Variants in THSD7B observed in about 807,000 individuals in gnomAD.
THSD7B encodes thrombospondin type 1 domain containing 7B, also known as thrombospondin type-1 domain-containing protein 7B.
In THSD7B, 138 loss-of-function variants were observed where a neutral mutation model predicts 213.6. The ratio of observed to expected loss-of-function variants is 0.65; its 90% confidence interval spans 0.56 to 0.74. The LOEUF (loss-of-function observed/expected upper bound fraction) is 0.74. THSD7B is among the 30% of genes least tolerant of loss of function. The pLI is 0.00. For synonymous variants in THSD7B, 742 were observed against 687.0 expected, an observed-to-expected ratio of 1.08 and a Z score of -1.25; for missense variants, 1,931 against 1,991.5, an observed-to-expected ratio of 0.97 and a Z score of 0.58.
At position 137,259,403 on chromosome 2, in the gene THSD7B, T is replaced by C. The variant is rs984322690; in HGVS notation, c.2267-13130T>C. ...CTGACTGGCATGAGGTGACATCTCA[T>C]TGTGGTTTTGATTTGCATTTCTCTA... is the stretch of plus-strand genomic sequence containing the variant. On this transcript the variant is annotated intron_variant, in intron 10 of 27. Coordinates refer to ENST00000409968, the MANE Select transcript of THSD7B (RefSeq NM_001316349.2). Among the ~76,000 whole-genome samples the C allele has an allele frequency of 1.3e-5, 2 of 152,356 alleles. 1 individual carries two copies.
chr2:136,985,642 G>A (rs1685658464), intron 2 of THSD7B, among the ~76,000 whole-genome samples: 1 of 152,172 alleles, frequency 6.6e-6, no homozygotes, highest in South Asian at 2.1e-4. Flanking sequence ...CTACTACTAG[G>A]GCAGTACAGA....
At chr2:136,898,495 CAG>C (rs1684003511) in intron 2 of THSD7B, among the ~76,000 whole-genome samples, 1 of 151,056 alleles carries the variant, frequency 6.6e-6, no homozygotes. Flanking sequence ...TTCTACTAGG[CAG>C]AGAGTACTGC....
intron 7 of THSD7B, among the ~76,000 whole-genome samples, chr2:137,194,832 G>C (rs1680727850): frequency 6.6e-6 from 1 of 151,990 alleles, no homozygotes; most frequent in South Asian, 2.1e-4. Context: ...GACTCTCTAG[G>C]GTTTTCCAGG....
chr2:137,414,027 C>T (rs551810701), intron 14 of THSD7B, among the ~76,000 whole-genome samples: 33 of 152,144 alleles, frequency 2.2e-4, no homozygotes, highest in African/African-American at 6.7e-4. Context: ...GTCATTCATC[C>T]GTAATTTTGC....
At chr2:137,382,519 A>T (rs1402225996) in intron 12 of THSD7B, among the ~76,000 whole-genome samples, 2 of 152,230 alleles carry the variant, frequency 1.3e-5, no homozygotes, top group Non-Finnish European at 2.9e-5. Context: ...GCTGAGCACC[A>T]GTATTCCTTG....
At chr2:137,171,767 G>A (rs1558946267) in intron 7 of THSD7B, among the ~76,000 whole-genome samples, 1 of 152,174 alleles carries the variant, frequency 6.6e-6, no homozygotes. Flanking sequence ...TAGATTCAGA[G>A]CACACAGGGT....
chr2:137,612,949 C>T (rs1381313278), intron 17 of THSD7B, among the ~76,000 whole-genome samples: 1 of 152,136 alleles, frequency 6.6e-6, no homozygotes, highest in African/African-American at 2.4e-5. Context: ...GCAGAACCTT[C>T]CCAGCTACTT....
At chr2:137,545,411 T>G (rs757285932) in intron 15 of THSD7B, among the ~76,000 whole-genome samples, 1 of 151,836 alleles carries the variant, frequency 6.6e-6, no homozygotes, top group Non-Finnish European at 1.5e-5. Context: ...TCCTTAATAC[T>G]GCCTTGCTCA....
At chr2:136,917,895 T>G (rs1419811846) in intron 2 of THSD7B, among the ~76,000 whole-genome samples, 1 of 152,196 alleles carries the variant, frequency 6.6e-6, no homozygotes, top group African/African-American at 2.4e-5. Context: ...TTAACATCCT[T>G]TAGCTGAAAT....
intron 9 of THSD7B, among the ~76,000 whole-genome samples, chr2:137,236,579 A>G (rs1185282817): frequency 4.6e-5 from 7 of 152,346 alleles, no homozygotes; most frequent in African/African-American, 1.7e-4. Flanking sequence ...AAAGCCTTTC[A>G]AAGTTCCTGA....
At chr2:137,190,183 T>C (rs1680629431) in intron 7 of THSD7B, among the ~76,000 whole-genome samples, 1 of 152,214 alleles carries the variant, frequency 6.6e-6, no homozygotes, top group South Asian at 2.1e-4. Context: ...TTGTCTCCTA[T>C]TTCTCATAGG....
At chr2:137,562,546 A>G (rs1681141685) in intron 15 of THSD7B, among the ~76,000 whole-genome samples, 1 of 151,874 alleles carries the variant, frequency 6.6e-6, no homozygotes, top group Admixed American at 6.6e-5. Flanking sequence ...GTAAATATTC[A>G]TAGTCAGTAA....
chr2:137,117,970 A>C (rs1302313463), intron 5 of THSD7B, among the ~76,000 whole-genome samples: 1 of 152,144 alleles, frequency 6.6e-6, no homozygotes, highest in African/African-American at 2.4e-5. Flanking sequence ...GTTTGCCGCA[A>C]GAGTATAATA....
At chr2:136,766,327 G>A (rs2104894155) in intron 1 of THSD7B, among the ~76,000 whole-genome samples, 1 of 152,192 alleles carries the variant, frequency 6.6e-6, no homozygotes, top group Middle Eastern at 3.4e-3. Flanking sequence ...CCCTGCGAGT[G>A]GCTAGGGGCA....
chr2:137,124,261 C>T (rs1291188006), intron 5 of THSD7B, among the ~76,000 whole-genome samples: 2 of 152,134 alleles, frequency 1.3e-5, no homozygotes, highest in Non-Finnish European at 2.9e-5. Flanking sequence ...CTTGGCAGTG[C>T]AATTTCTGAA....
intron 21 of THSD7B, among the ~76,000 whole-genome samples, chr2:137,653,455 A>G (rs965306116): frequency 2.6e-5 from 4 of 151,758 alleles, no homozygotes; most frequent in African/African-American, 9.7e-5. Flanking sequence ...CAGTACCTAG[A>G]TATTTATATC....
At chr2:137,309,034 G>T (rs1315346397) in intron 12 of THSD7B, among the ~76,000 whole-genome samples, 1 of 152,082 alleles carries the variant, frequency 6.6e-6, no homozygotes, top group African/African-American at 2.4e-5. Flanking sequence ...GTGAGTCAAA[G>T]AGCAGGAATC....
chr2:137,130,337 A>G (rs1257960363), intron 5 of THSD7B, among the ~76,000 whole-genome samples: 5 of 152,036 alleles, frequency 3.3e-5, no homozygotes, highest in African/African-American at 9.7e-5. Flanking sequence ...TTCCATCTCC[A>G]TAGTTACTAA....
In THSD7B at chr2:137,157,822, G is replaced by C. The variant is rs1679939631; in HGVS notation, c.1370-2391G>C. Among the ~76,000 whole-genome samples the C allele has an allele frequency of 1.3e-5, 2 of 152,144 alleles. 1 individual carries two copies. The highest frequency in any genetic ancestry group is 4.1e-4 in the South Asian group (2 of 4,820). On this transcript the variant is annotated intron_variant, in intron 5 of 27. Transcript: ENST00000409968. ...ATTAAATGAATTAATGTTGATAAGT[G>C]GGTTATAACTAGTGTCTGGCATGCA...
Sources: gnomAD v4.1 joint callset for allele counts (sites outside exome capture counted in the v4.1 genomes callset) on GRCh38, gnomAD v4.1.1 for gene constraint, MANE v1.5 for transcripts, NCBI Gene and HGNC (gene_info 2026-07-23, HGNC 2026-07-21) for gene names.